The following COL9A3 variants were observed in gnomAD, a reference collection of about 807,000 sequenced individuals.
The protein encoded by COL9A3 is collagen type IX alpha 3 chain, also known as collagen alpha-3(IX) chain.
COL9A3 carries 82 observed loss-of-function variants against 110.2 expected under a neutral mutation model. The ratio of observed to expected loss-of-function variants is 0.74; its 90% CI spans 0.62 to 0.89. COL9A3 has a LOEUF of 0.89. Ranked by LOEUF, COL9A3 falls within the 40% of genes least tolerant of loss-of-function variation. The probability of loss-of-function intolerance (pLI) is 0.00; values close to 1 mark genes in which losing one functional copy is unlikely to be tolerated. For synonymous variants in COL9A3, 494 were observed against 403.8 expected, an observed-to-expected ratio of 1.22 and a Z score of -2.68; for missense variants, 1,066 against 981.3, an observed-to-expected ratio of 1.09 and a Z score of -1.15.
intron 26 of COL9A3, among the ~76,000 whole-genome samples, chr20:62,833,593 C>T (rs1213987090): frequency 2.0e-5 from 3 of 151,682 alleles, no homozygotes; most frequent in Non-Finnish European, 4.4e-5. Context: ...TTAGTAGAGA[C>T]GGGGTTTCAC....
chr20:62,837,242 A>G lies in COL9A3; in HGVS notation c.1763A>G (p.Glu588Gly). 6.2e-7 allele frequency: 1 copy of G among 1,611,232 alleles called. No individual in the cohort carries two copies. The change falls in exon 30 of 32, where the codon GAG becomes GGG. Residue 588 changes from glutamate (E) to glycine (G), a missense_variant. Transcript: ENST00000649368. The stretch of plus-strand genomic sequence containing the variant: ...CCTGGATACCGCGGTCCCACTGGGG[A>G]GCTGGGAGACCCCGGGCCCAGAGGT... Reference protein sequence around the residue: ...GPPGYRGPTGELGDPGPRGNQ... With the variant: ...GPPGYRGPTGGLGDPGPRGNQ...
chr20:62,833,398 TTTGGGGTTTC>T (rs1025093628), intron 26 of COL9A3, among the ~76,000 whole-genome samples: 1 of 152,220 alleles, frequency 6.6e-6, no homozygotes, highest in African/African-American at 2.4e-5. Context: ...TTTTTGGTTT[TTTGGGGTTTC>T]TTGTTTTTTG....
At chr20:62,820,046 C>T in intron 5 of COL9A3, 64 bp downstream of exon 5, 1 of 1,553,134 alleles carries the variant, frequency 6.4e-7, no homozygotes, top group Non-Finnish European at 8.9e-7. Context: ...CCACCTCTGG[C>T]TGCTCTGTGT....
intron 10 of COL9A3, among the ~76,000 whole-genome samples, chr20:62,824,172 AGTGTCCCGACACCCGCGC>A (rs1198018745): frequency 1.9e-5 from 2 of 103,050 alleles, no homozygotes; most frequent in African/African-American, 3.6e-5. Context: ...TGTCACCCAG[AGTGTCCCGACACCCGCGC>A]GGAGTGGCCT....
At chr20:62,837,370 A>G in intron 30 of COL9A3, 105 bp downstream of exon 30, 1 of 1,272,056 alleles carries the variant, frequency 7.9e-7, no homozygotes, top group Non-Finnish European at 1.1e-6. Context: ...CTCAGGGGTA[A>G]CCCCTGGAAC....
chr20:62,827,960 G>A lies in COL9A3; in HGVS notation c.884G>A (p.Gly295Glu), dbSNP rs906383428. ...CCCAAGGGAACCCCCGGAGTGGCCGGGCCAAGCGGAGAGCCGGTGAGTGCA... is the reference window on the plus strand; with the variant it reads ...CCCAAGGGAACCCCCGGAGTGGCCGAGCCAAGCGGAGAGCCGGTGAGTGCA... ...PGPKGTPGVA[G>E]PSGEPGMPGK... Residue 295 changes from glycine to glutamate, a missense_variant, in exon 17 of 32, where the codon GGG becomes GAG. Physicochemically the swap from Gly to Glu is moderately conservative, Grantham distance 98. Transcript: ENST00000649368. The A allele has an allele frequency of 1.2e-6, 2 of 1,612,934 alleles. No individual in the cohort carries two copies. The highest frequency in any genetic ancestry group is 1.3e-5 in the African/African-American group (1 of 75,018).
intron 26 of COL9A3, among the ~76,000 whole-genome samples, chr20:62,834,572 C>T (rs956906993): frequency 5.9e-5 from 9 of 152,214 alleles, no homozygotes; most frequent in Non-Finnish European, 1.3e-4. Flanking sequence ...TGGCAGACCC[C>T]CACAGCCCAG....
rs556763957 is a variant in COL9A3 at position 62,833,874 on chromosome 20, G to A, written c.1368+810G>A. 6.0e-4 allele frequency among the ~76,000 whole-genome samples: 76 copies of A among 127,490 alleles called. 2 individuals are homozygous for A. The South Asian group carries it at 0.014, about 24-fold the overall frequency. The allele number at this position is 127,490 out of a possible 152,430, so 83.6% of individuals were successfully genotyped here. On this transcript the variant is annotated intron_variant, in intron 26 of 31. Coordinates refer to ENST00000649368, the MANE Select transcript of COL9A3 (RefSeq NM_001853.4). ...ACAGTCGACTAATTTTTTGTGTTTT[G>A]GGGGGTTTTGTTTGTTTTTTTTTGA...
Position 62,830,365 on chromosome 20 carries a change from C to T in COL9A3, c.1167C>T (p.Ala389=). The T allele has an allele frequency of 6.4e-7, 1 of 1,571,730 alleles. No individual in the cohort carries two copies. The highest frequency in any genetic ancestry group is 8.6e-7 in the Non-Finnish European group (1 of 1,158,120). ...ACCTCACCTTTGTCTTCCAGGGGGC[C>T]CTCGGCCCACAAGGCCCTCCCGGAG... ...GEAGHRGSAG[A]LGPQGPPGAP... Residue 389 remains alanine, a synonymous_variant, in exon 23 of 32, where the codon GCC becomes GCT. Transcript: ENST00000649368.
intron 30 of COL9A3, among the ~76,000 whole-genome samples, chr20:62,837,542 C>T (rs561887257): frequency 2.0e-5 from 3 of 152,374 alleles, no homozygotes; most frequent in South Asian, 2.1e-4. Context: ...GGCGCGGTGG[C>T]TCACGCCTGT....
In COL9A3 at chr20:62,829,758, C is replaced by T. The variant is rs762767602; in HGVS notation, c.1108-8C>T. On this transcript the variant is annotated splice_polypyrimidine_tract_variant and splice_region_variant and intron_variant, in intron 21 of 31. Transcript: ENST00000649368. ...CCTGCCCTGACACCCTCCTTCCTTTCCCTGTAGGGAGATGCTGGCATGCCT... is the reference window on the plus strand; with the variant it reads ...CCTGCCCTGACACCCTCCTTCCTTTTCCTGTAGGGAGATGCTGGCATGCCT... 4 of 1,591,266 alleles carry T rather than the reference C, an allele frequency of 2.5e-6. No homozygotes were observed. The highest frequency in any genetic ancestry group is 1.7e-6 in the Non-Finnish European group (2 of 1,169,310).
At chr20:62,825,501 T>C in intron 12 of COL9A3, 3 of 500,252 alleles carry the variant, frequency 6.0e-6, no homozygotes, top group East Asian at 3.6e-5. Context: ...TTAGCGTGGC[T>C]GGAGTGATCA....
chr20:62,821,432 G>T, intron 6 of COL9A3, 75 bp from the exon 7 acceptor site: 1 of 1,594,314 alleles, frequency 6.3e-7, no homozygotes, highest in Non-Finnish European at 8.6e-7. Flanking sequence ...GGACCCACCT[G>T]AGCCATCTTA....
chr20:62,840,725 G>A lies in COL9A3; in HGVS notation c.2048G>A (p.Ser683Asn), dbSNP rs1237822384. The A allele has an allele frequency of 6.4e-7, 1 of 1,568,630 alleles. No homozygotes were observed. The highest frequency in any genetic ancestry group is 8.7e-7 in the Non-Finnish European group (1 of 1,155,960). Residue 683 changes from serine to asparagine, a missense_variant, in exon 32 of 32, where the codon AGC (serine) becomes AAC (asparagine). By Grantham distance (46) the Ser-to-Asn change is conservative. Coordinates refer to ENST00000649368, the MANE Select transcript of COL9A3 (RefSeq NM_001853.4). ...GGVGEKSGSR[S>N]S ...GTCGGGGAGAAATCAGGCTCTCGAA[G>A]CTCATAAAATTCAACGTGAGGAAGC... is the stretch of plus-strand genomic sequence containing the variant.
chr20:62,830,182 C>T (rs1456564435), intron 22 of COL9A3, among the ~76,000 whole-genome samples, 178 bp from the exon 23 acceptor site: 2 of 152,080 alleles, frequency 1.3e-5, no homozygotes, highest in Non-Finnish European at 2.9e-5. Flanking sequence ...AGTTCTGAGA[C>T]CCCCTAAACT....
chr20:62,839,710 T>C (rs771071725), intron 31 of COL9A3, among the ~76,000 whole-genome samples: 146 of 45,218 alleles, frequency 3.2e-3, no homozygotes, highest in African/African-American at 3.9e-3. Flanking sequence ...CCCTCTCCTC[T>C]CCTCCACCCA....
Position 62,818,403 on chromosome 20 carries a change from G to A in COL9A3, c.148-115G>A, listed in dbSNP as rs951670078. 14 of 1,027,522 alleles carry A rather than the reference G, an allele frequency of 1.4e-5. No homozygotes were observed. The Admixed American group carries it at 1.5e-4, about 11-fold the overall frequency. 63.7% of individuals were successfully genotyped at this position (1,027,522 alleles called of 1,614,324 possible). The stretch of plus-strand genomic sequence containing the variant: ...GGGGGCTCAGGGGCCCCTTTTGTCT[G>A]CTGGGGCTGGGCCTCTGGGGCTGAT... On this transcript the variant is annotated intron_variant, in intron 2 of 31. Coordinates refer to ENST00000649368, the MANE Select transcript of COL9A3 (RefSeq NM_001853.4).
intron 5 of COL9A3, 94 bp downstream of exon 5, chr20:62,820,076 G>A: frequency 1.4e-6 from 2 of 1,430,902 alleles, no homozygotes; most frequent in South Asian, 2.3e-5. Context: ...CAAGGAGCTG[G>A]TAGTTCCAAG....
At position 62,826,185 on chromosome 20, in the gene COL9A3, C is replaced by G; in HGVS notation, c.685-19C>G. 1 of 1,555,974 alleles carries G rather than the reference C, an allele frequency of 6.4e-7. No homozygotes were observed. The highest frequency in any genetic ancestry group is 8.7e-7 in the Non-Finnish European group (1 of 1,150,570). ...GGAGGTGCAGCCCCAGCCTCTGCAT[C>G]TGTGCCTCTCTCTCGCAGGGCCCCC... On this transcript the variant is annotated intron_variant, in intron 13 of 31. Transcript: ENST00000649368.
Sources: gnomAD v4.1 joint callset for allele counts (sites outside exome capture counted in the v4.1 genomes callset) on GRCh38, gnomAD v4.1.1 for gene constraint, MANE v1.5 for transcripts, NCBI Gene and HGNC (gene_info 2026-07-23, HGNC 2026-07-21) for gene names.